The following UNC5D variants were observed in gnomAD, a reference collection of about 807,000 sequenced individuals.
UNC5D encodes the protein netrin receptor UNC5D.
UNC5D carries 39 observed loss-of-function variants against 105.4 expected under a neutral mutation model. That is an observed-to-expected ratio of 0.37 (90% CI 0.29 to 0.48). UNC5D has a LOEUF of 0.48. UNC5D is among the 20% of genes least tolerant of loss of function. The probability of loss-of-function intolerance (pLI) is 0.98; values close to 1 mark genes in which losing one functional copy is unlikely to be tolerated. For synonymous variants in UNC5D, 452 were observed against 450.4 expected (o/e 1.00, Z -0.04); for missense variants, 991 against 1,202.4 (o/e 0.82, Z 2.60).
chr8:35,281,626 C>A (rs1369346550), intron 1 of UNC5D, among the ~76,000 whole-genome samples: 1 of 151,976 alleles, frequency 6.6e-6, no homozygotes, highest in Non-Finnish European at 1.5e-5. Context: ...GAAAGGTTAG[C>A]ATTGCTATGC....
intron 16 of UNC5D, among the ~76,000 whole-genome samples, chr8:35,781,857 C>CA (rs1586637287): frequency 6.6e-6 from 1 of 152,064 alleles, no homozygotes; most frequent in Admixed American, 6.5e-5. Flanking sequence ...CATACATTTC[C>CA]AAAAAAAGAA....
intron 1 of UNC5D, among the ~76,000 whole-genome samples, chr8:35,532,844 C>A (rs1395061296): frequency 8.3e-6 from 1 of 120,236 alleles, no homozygotes; most frequent in African/African-American, 3.4e-5. Flanking sequence ...CGCATCGGCT[C>A]CTGAGGCTTC....
At chr8:35,487,593 A>ACACACACACACAC (rs1415748793) in intron 1 of UNC5D, among the ~76,000 whole-genome samples, 1 of 150,472 alleles carries the variant, frequency 6.6e-6, no homozygotes, top group African/African-American at 2.5e-5. Context: ...ACACACACAC[A>ACACACACACACAC]CCCCACAGAC....
chr8:35,609,543 G>C lies in UNC5D; in HGVS notation c.570+13886G>C, dbSNP rs113885031. ...CACAGTCGTGGTGTCCTTTAGGGTG[G>C]AGATGTCTACCAATGCCTGTTACGT... On this transcript the variant is annotated intron_variant, in intron 4 of 16. Coordinates refer to ENST00000404895, the MANE Select transcript of UNC5D (RefSeq NM_080872.4). Among the ~76,000 whole-genome samples the C allele has an allele frequency of 1.3e-3, 203 of 152,286 alleles. 1 individual carries two copies. Among genetic ancestry groups the C allele is most frequent in the African/African-American group, 4.6e-3 (191 of 41,564 alleles).
chr8:35,493,767 G>T (rs1811362962), intron 1 of UNC5D, among the ~76,000 whole-genome samples: 1 of 152,016 alleles, frequency 6.6e-6, no homozygotes, highest in Non-Finnish European at 1.5e-5. Flanking sequence ...TTAAAAATGG[G>T]TTTCAATGGA....
chr8:35,442,629 T>C (rs2128984804), intron 1 of UNC5D, among the ~76,000 whole-genome samples: 1 of 152,050 alleles, frequency 6.6e-6, no homozygotes, highest in Non-Finnish European at 1.5e-5. Context: ...GTTTGAATAA[T>C]ATTTCCAGCC....
intron 4 of UNC5D, among the ~76,000 whole-genome samples, chr8:35,656,681 G>T (rs985244200): frequency 2.0e-5 from 3 of 152,056 alleles, no homozygotes; most frequent in Non-Finnish European, 4.4e-5. Context: ...TCTAGAATCT[G>T]TGTCTCTCCC....
intron 1 of UNC5D, among the ~76,000 whole-genome samples, chr8:35,317,771 A>G (rs1044721746): frequency 2.0e-5 from 3 of 150,278 alleles, no homozygotes; most frequent in African/African-American, 7.3e-5. Flanking sequence ...AACATTATAT[A>G]ATTATATAAT....
intron 8 of UNC5D, among the ~76,000 whole-genome samples, chr8:35,711,506 A>G (rs1399914784): frequency 6.6e-6 from 1 of 152,066 alleles, no homozygotes; most frequent in African/African-American, 2.4e-5. Context: ...ATTACCGTTA[A>G]GTATTTTCCT....
Position 35,793,009 on chromosome 8 carries a change from C to T in UNC5D, c.*2446C>T, listed in dbSNP as rs760664308. 6.6e-6 allele frequency: 3 copies of T among 454,392 alleles called. No homozygotes were observed. The highest frequency in any genetic ancestry group is 1.3e-5 in the Non-Finnish European group (3 of 226,420). 28.1% of individuals were successfully genotyped at this position (454,392 alleles called of 1,614,324 possible). A position where few individuals can be genotyped will look rare whatever the true frequency, so the allele number is the denominator to read the frequency against. On this transcript the variant is annotated 3_prime_UTR_variant, in exon 17 of 17. Transcript: ENST00000404895. ...GCCTGGGTTTTATAAACAACTTGAA[C>T]ATCATATCATATAGGATAACAAAGG...
intron 15 of UNC5D, 23 bp from the exon 16 acceptor site, chr8:35,774,276 T>C (rs1563752987): frequency 1.2e-6 from 2 of 1,613,438 alleles, no homozygotes; most frequent in Non-Finnish European, 8.5e-7. Context: ...GATCTGATCA[T>C]GCGTTCCTTA....
chr8:35,309,286 C>A (rs75706054), intron 1 of UNC5D, among the ~76,000 whole-genome samples: 1,800 of 152,276 alleles, frequency 0.012, 38 homozygotes, highest in African/African-American at 0.042. Flanking sequence ...GAAGGCACTG[C>A]AGTGATTTCT....
chr8:35,336,693 C>A (rs1811068402), intron 1 of UNC5D, among the ~76,000 whole-genome samples: 1 of 152,120 alleles, frequency 6.6e-6, no homozygotes, highest in Non-Finnish European at 1.5e-5. Flanking sequence ...CAGACATATA[C>A]ATTTTTTTCC....
intron 1 of UNC5D, among the ~76,000 whole-genome samples, chr8:35,463,123 T>A (rs1184834762): frequency 1.3e-5 from 2 of 152,164 alleles, no homozygotes; most frequent in Non-Finnish European, 2.9e-5. Flanking sequence ...CCAATTGGAT[T>A]TGTGTCTGTT....
intron 1 of UNC5D, among the ~76,000 whole-genome samples, chr8:35,261,699 C>T (rs1804509676): frequency 6.6e-6 from 1 of 152,000 alleles, no homozygotes; most frequent in Admixed American, 6.6e-5. Context: ...GACTGTTGCC[C>T]TTATACTGAA....
chr8:35,721,370 T>C (rs2131532553), intron 8 of UNC5D: 1 of 702,144 alleles, frequency 1.4e-6, no homozygotes, highest in Non-Finnish European at 2.6e-6. Context: ...AAAGCAGCTA[T>C]AGCACATCTT....
At chr8:35,315,832 AG>A (rs749169465) in intron 1 of UNC5D, among the ~76,000 whole-genome samples, 15 of 152,190 alleles carry the variant, frequency 9.9e-5, no homozygotes, top group Admixed American at 3.3e-4. Context: ...ATGTGACTCT[AG>A]AGGCAGATTC....
intron 4 of UNC5D, among the ~76,000 whole-genome samples, chr8:35,615,483 C>T (rs1489234545): frequency 2.6e-5 from 4 of 152,134 alleles, no homozygotes; most frequent in East Asian, 1.9e-4. Context: ...TCCCAGGTGA[C>T]GCTGATCTCT....
At chr8:35,735,445 C>A (rs1829416552) in intron 11 of UNC5D, among the ~76,000 whole-genome samples, 1 of 152,164 alleles carries the variant, frequency 6.6e-6, no homozygotes, top group Non-Finnish European at 1.5e-5. Context: ...TACAAAAGAA[C>A]ACATATTTTT....
Sources: allele counts gnomAD v4.1 joint callset (sites outside exome capture counted in the v4.1 genomes callset), GRCh38; gene constraint gnomAD v4.1.1; transcripts MANE v1.5; gene names NCBI Gene and HGNC (gene_info 2026-07-23, HGNC 2026-07-21).